Variants in CEP97 observed in about 807,000 individuals in gnomAD.
CEP97 encodes centrosomal protein 97.
CEP97 carries 43 observed loss-of-function variants against 73.1 expected under a neutral mutation model. The observed-to-expected ratio is 0.59, with a 90% CI of 0.46 to 0.76. CEP97 has a LOEUF of 0.76. Among genes scored for constraint, CEP97 ranks in the 30% least tolerant of loss-of-function variants. The pLI, the probability that CEP97 is intolerant of heterozygous loss-of-function variation, is 0.00. For missense variants in CEP97, 939 were observed against 1,014.0 expected (o/e 0.93, Z 1.00); for synonymous variants, 337 against 370.0 (o/e 0.91, Z 1.02).
chr3:101,764,891 A>G lies in CEP97; in HGVS notation c.1938A>G (p.Leu646=), dbSNP rs1426450140. 8 of 1,613,648 alleles carry G rather than the reference A, an allele frequency of 5.0e-6. No individual in the cohort carries two copies. Among genetic ancestry groups the G allele is most frequent in the South Asian group, 2.2e-5 (2 of 90,992 alleles). Reference sequence around the variant, plus strand: ...GGCAACAGACAGTGGACCAGCGTCTAAGTTCCTGGCATACTGATGTTCCTC... The same window carrying G: ...GGCAACAGACAGTGGACCAGCGTCTGAGTTCCTGGCATACTGATGTTCCTC... ...QVWQQTVDQR[L]SSWHTDVPPI... The change falls in exon 11 of 11, where the codon CTA becomes CTG. Residue 646 remains leucine (L), a synonymous_variant. Coordinates refer to ENST00000341893, the MANE Select transcript of CEP97 (RefSeq NM_024548.4).
intron 6 of CEP97, among the ~76,000 whole-genome samples, chr3:101,748,107 G>C (rs1487965140): frequency 7.1e-6 from 1 of 141,798 alleles, no homozygotes; most frequent in Admixed American, 7.4e-5. Context: ...ACTCCAGCCT[G>C]GGTGGCAGAG....
chr3:101,732,634 T>C lies in CEP97; in HGVS notation c.708T>C (p.Tyr236=), dbSNP rs1938150411. 1 of 1,606,966 alleles carries C rather than the reference T, an allele frequency of 6.2e-7. No homozygotes were observed. Among genetic ancestry groups the C allele is most frequent in the Non-Finnish European group, 8.5e-7 (1 of 1,175,708 alleles). ...WCLNLRVLDG[Y]VISQKESLKA... ...TAAACCTCAGAGTCCTAGATGGATA[T>C]GTGATTTCTCAGAAGGAAAGGTAAA... Residue 236 remains tyrosine (Y), a synonymous_variant, in exon 6 of 11, where the codon TAT becomes TAC. Transcript: ENST00000341893.
chr3:101,757,749 T>G lies in CEP97; in HGVS notation c.1143T>G (p.Asp381Glu). 6.2e-7 allele frequency: 1 copy of G among 1,614,252 alleles called. No homozygotes were observed. Among genetic ancestry groups the G allele is most frequent in the Non-Finnish European group, 8.5e-7 (1 of 1,180,048 alleles). The change falls in exon 9 of 11, where the codon GAT (aspartate) becomes GAG (glutamate). Residue 381 changes from aspartate to glutamate, a missense_variant. Physicochemically the swap from Asp to Glu is conservative, Grantham distance 45 (BLOSUM62 2). Coordinates refer to ENST00000341893, the MANE Select transcript of CEP97 (RefSeq NM_024548.4). ...ACACTACGAGATATTCTCGAAATGA[T>G]CTGCACCTGGAAGACATACAGACGG... The part of the protein sequence containing the change: ...SVHTTRYSRN[D>E]LHLEDIQTDE...
intron 6 of CEP97, among the ~76,000 whole-genome samples, chr3:101,746,091 T>G (rs1458368797): frequency 6.6e-6 from 1 of 152,254 alleles, no homozygotes; most frequent in Non-Finnish European, 1.5e-5. Flanking sequence ...GAACTCATTA[T>G]TTTTTATGGC....
intron 6 of CEP97, among the ~76,000 whole-genome samples, chr3:101,742,692 AC>A (rs1206552240): frequency 1.3e-5 from 2 of 151,814 alleles, no homozygotes; most frequent in African/African-American, 4.8e-5. Flanking sequence ...TATGTAATAA[AC>A]CTGCACATTC....
rs1489050926 is a variant in CEP97 at position 101,766,973 on chromosome 3, C to G, written c.*1422C>G. ...TTTTTTAAAGAGATGGAGGCTGGCT[C>G]TGTTGGTGCGGTGCCATGATCATAG... On this transcript the variant is annotated 3_prime_UTR_variant, in exon 11 of 11. Coordinates refer to ENST00000341893, the MANE Select transcript of CEP97 (RefSeq NM_024548.4). 1 of 152,152 alleles carries G rather than the reference C, an allele frequency of 6.6e-6. No individual in the cohort carries two copies. Among genetic ancestry groups the G allele is most frequent in the Non-Finnish European group, 1.5e-5 (1 of 68,038 alleles). 9.4% of individuals were successfully genotyped at this position (152,152 alleles called of 1,614,324 possible). A position where few individuals can be genotyped will look rare whatever the true frequency, so the allele number is the denominator to read the frequency against.
chr3:101,738,990 G>A (rs1214435437), intron 6 of CEP97, among the ~76,000 whole-genome samples: 7 of 152,168 alleles, frequency 4.6e-5, no homozygotes, highest in African/African-American at 1.7e-4. Flanking sequence ...ATGATAAAGA[G>A]CATATCACCG....
In CEP97 at chr3:101,732,582, A is replaced by T. The variant is rs200003550; in HGVS notation, c.656A>T (p.Tyr219Phe). The change falls in exon 6 of 11, where the codon TAT becomes TTT. Residue 219 changes from tyrosine to phenylalanine, a missense_variant. Transcript: ENST00000341893. The part of the protein sequence containing the change: ...MATPSIPGFD[Y>F]RPYIVSWCLN... ...ACACCATCCATCCCAGGATTTGACT[A>T]TCGGCCGTACATCGTCAGCTGGTGC... 6.2e-7 allele frequency: 1 copy of T among 1,614,100 alleles called. No homozygotes were observed. Among genetic ancestry groups the T allele is most frequent in the Admixed American group, 1.7e-5 (1 of 60,024 alleles).
intron 7 of CEP97, 99 bp from the exon 8 acceptor site, chr3:101,756,964 C>G (rs897446530): frequency 1.8e-6 from 2 of 1,135,184 alleles, no homozygotes; most frequent in Non-Finnish European, 2.5e-6. Context: ...ACTTTGAGAA[C>G]TTGTAAACTT....
chr3:101,765,514 C>G lies in CEP97; in HGVS notation c.2561C>G (p.Ser854Cys), dbSNP rs139403320. The G allele has an allele frequency of 6.2e-7, 1 of 1,613,300 alleles. No individual in the cohort carries two copies. Among genetic ancestry groups the G allele is most frequent in the Non-Finnish European group, 8.5e-7 (1 of 1,179,424 alleles). ...EVQGQQPECD[S>C]TFQLLHVGVT... is the part of the protein sequence containing the mutation. The stretch of plus-strand genomic sequence containing the variant: ...CAGGGGCAGCAGCCAGAATGTGATT[C>G]TACATTTCAGCTATTGCATGTTGGT... The change falls in exon 11 of 11, where the codon TCT (serine) becomes TGT (cysteine). Residue 854 changes from serine to cysteine, a missense_variant. Ser to Cys is a moderately radical substitution (Grantham distance 112, BLOSUM62 -1). Coordinates refer to ENST00000341893, the MANE Select transcript of CEP97 (RefSeq NM_024548.4).
intron 6 of CEP97, among the ~76,000 whole-genome samples, chr3:101,753,288 G>T (rs2107176434): frequency 6.6e-6 from 1 of 152,302 alleles, no homozygotes; most frequent in South Asian, 2.1e-4. Context: ...GCTGTGTGAG[G>T]TGTCAGTCTG....
chr3:101,751,673 T>G (rs1938825477), intron 6 of CEP97, among the ~76,000 whole-genome samples: 1 of 152,224 alleles, frequency 6.6e-6, no homozygotes, highest in South Asian at 2.1e-4. Flanking sequence ...TGTAATGACC[T>G]TCTTTGTCTC....
Position 101,757,138 on chromosome 3 carries a change from A to G in CEP97, c.969A>G (p.Ala323=). 1 of 1,613,580 alleles carries G rather than the reference A, an allele frequency of 6.2e-7. No individual in the cohort carries two copies. Among genetic ancestry groups the G allele is most frequent in the Non-Finnish European group, 8.5e-7 (1 of 1,179,840 alleles). ...CTCTTGTTCCTGTTGAAACAAGGGC[A>G]TCCCTTATTCCTGAGCATTCAAGCC... ...LSPLVPVETR[A]SLIPEHSSPV... is the part of the protein sequence containing the mutation. The change falls in exon 8 of 11, where the codon GCA becomes GCG. Residue 323 remains alanine (A), a synonymous_variant. Coordinates refer to ENST00000341893, the MANE Select transcript of CEP97 (RefSeq NM_024548.4).
chr3:101,732,392 A>T, intron 5 of CEP97, 96 bp from the exon 6 acceptor site: 1 of 816,080 alleles, frequency 1.2e-6, no homozygotes, highest in Non-Finnish European at 1.9e-6. Context: ...GGAAATTATC[A>T]CATTCTCAAA....
At chr3:101,756,922 G>A (rs1939020184) in intron 7 of CEP97, 141 bp from the exon 8 acceptor site, 4 of 718,146 alleles carry the variant, frequency 5.6e-6, no homozygotes, top group Non-Finnish European at 6.8e-6. Context: ...TTCAAATGAG[G>A]ATTTATAATT....
intron 10 of CEP97, among the ~76,000 whole-genome samples, chr3:101,763,835 C>G (rs1185749335): frequency 3.9e-5 from 6 of 152,074 alleles, no homozygotes; most frequent in Non-Finnish European, 7.4e-5. Context: ...TTCAAGGGCT[C>G]TAACCTGTCT....
chr3:101,744,828 C>G (rs541725629), intron 6 of CEP97, among the ~76,000 whole-genome samples: 2 of 152,280 alleles, frequency 1.3e-5, no homozygotes, highest in African/African-American at 4.8e-5. Flanking sequence ...GAGAATTGCC[C>G]TGAAGGACAG....
chr3:101,760,710 T>TA (rs1470240599), intron 9 of CEP97, among the ~76,000 whole-genome samples: 94 of 152,100 alleles, frequency 6.2e-4, no homozygotes, highest in African/African-American at 2.2e-3. Context: ...CCCAGCTAAT[T>TA]AAAAAAAATT....
In CEP97 at chr3:101,762,558, C is replaced by A. The variant is rs1408357719; in HGVS notation, c.1891C>A (p.Gln631Lys). ...QEEAFRFLWN[Q>K]VRSLQVWQQT... is the part of the protein sequence containing the mutation. Reference sequence around the variant, plus strand: ...AGAAGCTTTCAGATTCCTTTGGAACCAGGTAAACTCCCTCCTGCTGATTTA... The same window carrying A: ...AGAAGCTTTCAGATTCCTTTGGAACAAGGTAAACTCCCTCCTGCTGATTTA... The change falls in exon 10 of 11, where the codon CAG (glutamine) becomes AAG (lysine). Residue 631 changes from glutamine (Q) to lysine (K), a missense_variant and splice_region_variant. Gln to Lys is a moderately conservative substitution (Grantham distance 53). Transcript: ENST00000341893. 2 of 1,605,148 alleles carry A rather than the reference C, an allele frequency of 1.2e-6. No individual in the cohort carries two copies. Among genetic ancestry groups the A allele is most frequent in the South Asian group, 2.2e-5 (2 of 89,946 alleles).
Sources: gnomAD v4.1 joint callset for allele counts (sites outside exome capture counted in the v4.1 genomes callset) on GRCh38, gnomAD v4.1.1 for gene constraint, MANE v1.5 for transcripts, NCBI Gene and HGNC (gene_info 2026-07-23, HGNC 2026-07-21) for gene names.